The following GLIS3 variants were observed in gnomAD, a reference collection of about 807,000 sequenced individuals.
GLIS3 encodes GLIS family zinc finger 3.
GLIS3 carries 53 observed loss-of-function variants against 78.6 expected under a neutral mutation model. That is an observed-to-expected ratio of 0.67 (90% confidence interval 0.54 to 0.85). The LOEUF (loss-of-function observed/expected upper bound fraction) is 0.85. Ranked by LOEUF, GLIS3 falls within the 40% of genes least tolerant of loss-of-function variation. The pLI is 0.00. For missense variants in GLIS3, 1,703 were observed against 1,231.1 expected, an observed-to-expected ratio of 1.38 and a Z score of -5.74; for synonymous variants, 684 against 509.9, an observed-to-expected ratio of 1.34 and a Z score of -4.60.
chr9:4,144,188 T>C (rs922189085), intron 2 of GLIS3, among the ~76,000 whole-genome samples: 1 of 152,110 alleles, frequency 6.6e-6, no homozygotes, highest in South Asian at 2.1e-4. Flanking sequence ...GCGCAAGGAA[T>C]GCTACTAACA....
chr9:4,488,967 A>G, the GLIS3 span, among the ~76,000 whole-genome samples: 2 of 151,888 alleles, frequency 1.3e-5, no homozygotes, highest in Admixed American at 6.6e-5. Flanking sequence ...TCCAGGTTCA[A>G]GCGATTCTCC....
chr9:4,485,377 C>G, the GLIS3 span, among the ~76,000 whole-genome samples: 1 of 152,162 alleles, frequency 6.6e-6, no homozygotes, highest in Admixed American at 6.6e-5. Flanking sequence ...TGACTACACT[C>G]AGATCCACAA....
intron 7 of GLIS3, among the ~76,000 whole-genome samples, chr9:3,881,260 G>C (rs1821710927): frequency 6.6e-6 from 1 of 152,096 alleles, no homozygotes; most frequent in African/African-American, 2.4e-5. Flanking sequence ...GAGATACTAT[G>C]AAAACACAGC....
At chr9:4,401,483 C>G in the GLIS3 span, among the ~76,000 whole-genome samples, 1 of 151,560 alleles carries the variant, frequency 6.6e-6, no homozygotes, top group Non-Finnish European at 1.5e-5. Flanking sequence ...AGGCTGGTCT[C>G]GAAATCTCAA....
At chr9:4,294,373 G>A (rs1293905813) in intron 1 of GLIS3, among the ~76,000 whole-genome samples, 2 of 152,118 alleles carry the variant, frequency 1.3e-5, no homozygotes, top group East Asian at 3.9e-4. Context: ...GCCAGGCATG[G>A]TGGCACATGC....
chr9:4,240,880 C>T (rs1268131449), intron 2 of GLIS3, among the ~76,000 whole-genome samples: 1 of 151,940 alleles, frequency 6.6e-6, no homozygotes, highest in East Asian at 1.9e-4. Flanking sequence ...TGAAATAAAA[C>T]TCCATATAAA....
chr9:3,975,459 C>G (rs1818704225), intron 4 of GLIS3, among the ~76,000 whole-genome samples: 2 of 152,118 alleles, frequency 1.3e-5, no homozygotes, highest in African/African-American at 4.8e-5. Flanking sequence ...GTCAAAGTAA[C>G]CTTGGGCGAT....
chr9:3,879,696 G>GT, intron 7 of GLIS3, 101 bp from the exon 8 acceptor site: 1 of 1,241,598 alleles, frequency 8.1e-7, no homozygotes, highest in South Asian at 1.3e-5. Context: ...GGGCTTGCTT[G>GT]TTTTTCTCTC....
rs148199056 is a variant in GLIS3 at position 4,117,942 on chromosome 9, G to T, written c.1536C>A (p.Asp512Glu). The T allele has an allele frequency of 0.017, 27,082 of 1,614,060 alleles. 303 individuals carry two copies. Among genetic ancestry groups the T allele is most frequent in the South Asian group, 0.025 (2,249 of 91,084 alleles). ...TGTGCCGCACGAGCTCCTCCTGCTG[G>T]TCGTACAGGGCGCTGCAGTCGATCC... is the stretch of plus-strand genomic sequence containing the variant. ...CRWIDCSALY[D>E]QQEELVRHIE... The change falls in exon 4 of 11, where the codon GAC (aspartate) becomes GAA (glutamate). Residue 512 changes from aspartate (D) to glutamate (E), a missense_variant. Coordinates refer to ENST00000381971, the MANE Select transcript of GLIS3 (RefSeq NM_001042413.2).
chr9:4,448,943 C>T, the GLIS3 span, among the ~76,000 whole-genome samples: 12 of 152,320 alleles, frequency 7.9e-5, no homozygotes, highest in African/African-American at 1.2e-4. Flanking sequence ...AACTGAGGTA[C>T]GTGGTTCATC....
the GLIS3 span, among the ~76,000 whole-genome samples, chr9:4,460,908 A>G: frequency 1.3e-5 from 2 of 152,212 alleles, no homozygotes; most frequent in Non-Finnish European, 2.9e-5. Context: ...TTGGTACTTA[A>G]GGAGGCTTAT....
upstream of GLIS3, chr9:4,348,519 C>G (rs1311579975): frequency 6.6e-6 from 1 of 152,122 alleles, no homozygotes; most frequent in African/African-American, 2.4e-5. Context: ...TCTCATTGGC[C>G]AGAACTCGGT....
chr9:4,300,400 A>G (rs1817017213), upstream of GLIS3, among the ~76,000 whole-genome samples: 1 of 134,360 alleles, frequency 7.4e-6, no homozygotes, highest in South Asian at 2.1e-4. Flanking sequence ...ATAAAAAAAT[A>G]AACAAACAAC....
intron 2 of GLIS3, among the ~76,000 whole-genome samples, chr9:4,155,424 T>C (rs1834979632): frequency 1.3e-5 from 2 of 152,224 alleles, no homozygotes; most frequent in Admixed American, 1.3e-4. Flanking sequence ...GTGGCGTAGA[T>C]TCTTAGGCAG....
chr9:4,303,100 G>C (rs970010223), upstream of GLIS3, among the ~76,000 whole-genome samples: 2 of 141,114 alleles, frequency 1.4e-5, no homozygotes, highest in African/African-American at 5.0e-5. Flanking sequence ...ACTGCTATTT[G>C]AGTCACCCTG....
At chr9:4,405,451 T>C in the GLIS3 span, among the ~76,000 whole-genome samples, 1 of 152,022 alleles carries the variant, frequency 6.6e-6, no homozygotes, top group Non-Finnish European at 1.5e-5. Context: ...TGAGCAGCTA[T>C]ATGCCAATAA....
At chr9:4,462,679 G>T in the GLIS3 span, among the ~76,000 whole-genome samples, 2 of 151,686 alleles carry the variant, frequency 1.3e-5, no homozygotes, top group East Asian at 1.9e-4. Context: ...TGGGTGTGTT[G>T]TATGTCTGTA....
chr9:4,160,283 C>A (rs762891187), intron 2 of GLIS3, among the ~76,000 whole-genome samples: 1 of 152,306 alleles, frequency 6.6e-6, no homozygotes, highest in East Asian at 1.9e-4. Flanking sequence ...AGGAACTGAC[C>A]ACGCTGGCAC....
intron 2 of GLIS3, among the ~76,000 whole-genome samples, chr9:4,245,842 G>C (rs996573753): frequency 2.0e-5 from 3 of 152,176 alleles, no homozygotes; most frequent in Non-Finnish European, 4.4e-5. Flanking sequence ...CCTGAACACA[G>C]AATTTCAACT....
Sources: gnomAD v4.1 joint callset for allele counts (sites outside exome capture counted in the v4.1 genomes callset) on GRCh38, gnomAD v4.1.1 for gene constraint, MANE v1.5 for transcripts, NCBI Gene and HGNC (gene_info 2026-07-23, HGNC 2026-07-21) for gene names.